Variants in MTREX observed in about 807,000 individuals in gnomAD.
MTREX encodes the protein exosome RNA helicase MTR4.
MTREX carries 76 observed loss-of-function variants against 135.4 expected under a neutral mutation model. The observed-to-expected ratio is 0.56, with a 90% CI of 0.47 to 0.68. The LOEUF is 0.68. MTREX is among the 30% of genes least tolerant of loss of function. The pLI is 0.00. For missense variants in MTREX, 920 were observed against 1,262.1 expected (o/e 0.73, Z 4.11); for synonymous variants, 404 against 401.6 (o/e 1.01, Z -0.07).
At chr5:55,327,908 A>C (rs1749409691) in intron 4 of MTREX, 130 bp downstream of exon 4, 2 of 607,100 alleles carry the variant, frequency 3.3e-6, no homozygotes, top group East Asian at 5.5e-5. Context: ...AGCCAACTAA[A>C]GACAAATATA....
intron 24 of MTREX, among the ~76,000 whole-genome samples, chr5:55,415,689 T>C (rs1750955879): frequency 6.6e-6 from 1 of 152,246 alleles, no homozygotes; most frequent in Admixed American, 6.5e-5. Flanking sequence ...ATAATTTTAA[T>C]GAAGAGTTCT....
intron 6 of MTREX, among the ~76,000 whole-genome samples, chr5:55,340,457 T>C (rs1423909719): frequency 1.3e-5 from 2 of 152,222 alleles, no homozygotes; most frequent in Non-Finnish European, 2.9e-5. Flanking sequence ...TGAAAATATT[T>C]TACTGGTTTT....
intron 15 of MTREX, among the ~76,000 whole-genome samples, chr5:55,362,419 G>A (rs1750029972): frequency 6.6e-6 from 1 of 152,016 alleles, no homozygotes; most frequent in Non-Finnish European, 1.5e-5. Flanking sequence ...GGAGTGCAGT[G>A]GTGTGATCTT....
At chr5:55,396,149 A>T (rs1388886516) in intron 19 of MTREX, among the ~76,000 whole-genome samples, 2 of 152,220 alleles carry the variant, frequency 1.3e-5, no homozygotes, top group Non-Finnish European at 2.9e-5. Flanking sequence ...TTTTCTGTAA[A>T]CTTGGAATTC....
At chr5:55,401,422 C>T (rs917283778) in intron 21 of MTREX, among the ~76,000 whole-genome samples, 3 of 152,134 alleles carry the variant, frequency 2.0e-5, no homozygotes, top group African/African-American at 7.2e-5. Context: ...TTTTTTCTAA[C>T]TTTTTGGCTC....
At chr5:55,373,116 A>ATTTTTTTTTTTT (rs1750233315) in intron 16 of MTREX, among the ~76,000 whole-genome samples, 1 of 139,168 alleles carries the variant, frequency 7.2e-6, no homozygotes, top group Non-Finnish European at 1.6e-5. Flanking sequence ...TTTTATTTTT[A>ATTTTTTTTTTTT]TTTCTTTTTT....
At chr5:55,400,175 G>A in intron 20 of MTREX, 58 bp from the exon 21 acceptor site, 3 of 1,304,948 alleles carry the variant, frequency 2.3e-6, no homozygotes, top group Non-Finnish European at 3.1e-6. Context: ...CACTGATTTG[G>A]TTTGGTCTTA....
intron 1 of MTREX, among the ~76,000 whole-genome samples, 188 bp from the exon 2 acceptor site, chr5:55,322,139 T>C (rs1361045759): frequency 1.3e-5 from 2 of 152,182 alleles, no homozygotes; most frequent in Non-Finnish European, 2.9e-5. Flanking sequence ...GAAATACAAA[T>C]GCAGTAAAGT....
intron 1 of MTREX, among the ~76,000 whole-genome samples, chr5:55,309,556 G>C (rs1749072501): frequency 6.6e-6 from 1 of 152,078 alleles, no homozygotes; most frequent in Admixed American, 6.6e-5. Context: ...GGGAAAGGAA[G>C]TCAAAAGAGA....
intron 15 of MTREX, among the ~76,000 whole-genome samples, chr5:55,365,444 C>G (rs1468523573): frequency 6.6e-6 from 1 of 152,034 alleles, no homozygotes; most frequent in East Asian, 1.9e-4. Flanking sequence ...GAAGTCTCCC[C>G]TTTTTCTGCA....
At chr5:55,377,171 A>C (rs945408689) in intron 16 of MTREX, among the ~76,000 whole-genome samples, 2 of 152,136 alleles carry the variant, frequency 1.3e-5, no homozygotes, top group African/African-American at 4.8e-5. Context: ...TACTAAAAAT[A>C]CAAAAATTAG....
chr5:55,322,536 T>C (rs1749305986), intron 2 of MTREX, 72 bp downstream of exon 2: 26 of 1,162,928 alleles, frequency 2.2e-5, no homozygotes, highest in Non-Finnish European at 6.0e-6. Flanking sequence ...AAAAATTGTC[T>C]CCATGTTGCT....
intron 1 of MTREX, among the ~76,000 whole-genome samples, chr5:55,316,175 T>C (rs919140004): frequency 6.6e-6 from 1 of 152,090 alleles, no homozygotes; most frequent in African/African-American, 2.4e-5. Flanking sequence ...GCCCAGGACC[T>C]GATGGATTCA....
At chr5:55,409,945 T>C (rs1273134565) in intron 22 of MTREX, among the ~76,000 whole-genome samples, 1 of 152,190 alleles carries the variant, frequency 6.6e-6, no homozygotes, top group African/African-American at 2.4e-5. Flanking sequence ...CCAGGTGTAG[T>C]GTCTCACACC....
chr5:55,334,983 A>G (rs1749532240), intron 5 of MTREX, among the ~76,000 whole-genome samples: 2 of 152,070 alleles, frequency 1.3e-5, no homozygotes, highest in Admixed American at 1.3e-4. Flanking sequence ...TGAGGGTGCC[A>G]GTTTCTCTGC....
At chr5:55,341,920 A>G (rs1749654987) in intron 7 of MTREX, 149 bp downstream of exon 7, 1 of 504,548 alleles carries the variant, frequency 2.0e-6, no homozygotes. Flanking sequence ...TTACCTATTT[A>G]TTTTTGAAAC....
rs1270757055 is a variant in MTREX, at chr5:55,366,807, C to T, written c.1742C>T (p.Pro581Leu). 5.0e-6 allele frequency: 8 copies of T among 1,610,176 alleles called. No homozygotes were observed. Among genetic ancestry groups the T allele is most frequent in the African/African-American group, 1.3e-5 (1 of 74,938 alleles). ...LNLLRVEEINPEYMLEKSFYQ... is the reference protein window; with the variant it reads ...LNLLRVEEINLEYMLEKSFYQ... ...TTACTACGTGTAGAAGAAATTAATC[C>T]TGAGTACATGTTGGAAAAATCCTTC... The change falls in exon 16 of 27, where the codon CCT becomes CTT. Residue 581 changes from proline to leucine, a missense_variant. Pro to Leu is a moderately conservative substitution (Grantham distance 98). Coordinates refer to ENST00000230640, the MANE Select transcript of MTREX (RefSeq NM_015360.5).
chr5:55,310,552 G>A (rs991093270), intron 1 of MTREX, among the ~76,000 whole-genome samples: 2 of 152,030 alleles, frequency 1.3e-5, no homozygotes, highest in Non-Finnish European at 2.9e-5. Context: ...AGGTTGCAGT[G>A]AGCCGAGACT....
chr5:55,397,587 AG>A, intron 20 of MTREX, 61 bp downstream of exon 20: 1 of 1,037,584 alleles, frequency 9.6e-7, no homozygotes, highest in Admixed American at 2.0e-5. Context: ...GTGTTTATAA[AG>A]AGGCAACTGA....
Sources: allele counts gnomAD v4.1 joint callset (sites outside exome capture counted in the v4.1 genomes callset), GRCh38; gene constraint gnomAD v4.1.1; transcripts MANE v1.5; gene names NCBI Gene and HGNC (gene_info 2026-07-23, HGNC 2026-07-21).